Variants in TTC28 observed in about 807,000 individuals in gnomAD.
TTC28 encodes the protein tetratricopeptide repeat domain 28.
A neutral mutation model predicts 198.0 loss-of-function variants in TTC28; 61 were observed. That is an observed-to-expected ratio of 0.31 (90% CI 0.25 to 0.38). The LOEUF (loss-of-function observed/expected upper bound fraction) is 0.38, where lower values mean the gene tolerates loss of function less well. TTC28 is among the 10% of genes least tolerant of loss of function. The pLI, the probability that TTC28 is intolerant of heterozygous loss-of-function variation, is 1.00. For synonymous variants in TTC28, 1,171 were observed against 1,297.8 expected, an observed-to-expected ratio of 0.90 and a Z score of 2.10; for missense variants, 2,678 against 3,164.0, an observed-to-expected ratio of 0.85 and a Z score of 3.69.
intron 6 of TTC28, among the ~76,000 whole-genome samples, chr22:28,160,107 A>T (rs996232220): frequency 6.6e-6 from 1 of 152,220 alleles, no homozygotes; most frequent in Non-Finnish European, 1.5e-5. Flanking sequence ...GCTAATGGGT[A>T]TCAAAAGATA....
chr22:28,378,336 A>G (rs2046443850), intron 2 of TTC28, among the ~76,000 whole-genome samples: 1 of 130,280 alleles, frequency 7.7e-6, no homozygotes, highest in African/African-American at 3.0e-5. Flanking sequence ...ACAGAGTGAG[A>G]CTCTGTCTCA....
chr22:28,048,509 G>A (rs764700515), intron 12 of TTC28, among the ~76,000 whole-genome samples: 9 of 152,078 alleles, frequency 5.9e-5, no homozygotes, highest in South Asian at 2.1e-4. Context: ...TATCTGGGTC[G>A]GGGTGGGGCT....
chr22:28,444,879 A>T (rs979032113), intron 2 of TTC28, among the ~76,000 whole-genome samples: 2 of 152,230 alleles, frequency 1.3e-5, no homozygotes, highest in African/African-American at 4.8e-5. Flanking sequence ...GCTCGAGAAG[A>T]TTACATAACT....
At position 27,983,413 on chromosome 22, in the gene TTC28, GGTT is replaced by G; in HGVS notation, c.6251_6253del (p.Gln2084del). 1 of 1,551,210 alleles carries G rather than the reference GGTT, an allele frequency of 6.4e-7. No individual in the cohort carries two copies. The highest frequency in any genetic ancestry group is 8.7e-7 in the Non-Finnish European group (1 of 1,146,976). On this transcript the variant is annotated inframe_deletion, in exon 23 of 23. Transcript: ENST00000397906. Reference sequence around the variant, plus strand: ...CATGCCTCCGGCTGTCCCAGGTTGGGGTTGTTTGTGGTCTGGTGAGAAGCATGT... The same window carrying G: ...CATGCCTCCGGCTGTCCCAGGTTGGGGTTTGTGGTCTGGTGAGAAGCATGT...
At chr22:28,050,554 C>T (rs923072836) in intron 12 of TTC28, among the ~76,000 whole-genome samples, 1 of 152,152 alleles carries the variant, frequency 6.6e-6, no homozygotes, top group African/African-American at 2.4e-5. Context: ...AGCATTTATA[C>T]ATCAAGGGGT....
At position 28,555,201 on chromosome 22, in the gene TTC28, T is replaced by C. The variant is rs1031146843; in HGVS notation, c.381+74351A>G. Reference sequence around the variant, plus strand: ...GCCATAATGAAAAAATAATAGATGTTGGCATGGATGTAGTGAAAAGGGACC... The same window carrying C: ...GCCATAATGAAAAAATAATAGATGTCGGCATGGATGTAGTGAAAAGGGACC... On this transcript the variant is annotated intron_variant, in intron 2 of 22. Transcript: ENST00000397906. Among the ~76,000 whole-genome samples the C allele has an allele frequency of 1.7e-4, 26 of 152,208 alleles. 1 individual carries two copies. Among genetic ancestry groups the C allele is most frequent in the Admixed American group, 1.6e-3 (24 of 15,272 alleles).
chr22:28,370,874 G>A (rs1368971558), intron 2 of TTC28, among the ~76,000 whole-genome samples: 1 of 152,154 alleles, frequency 6.6e-6, no homozygotes, highest in East Asian at 1.9e-4. Flanking sequence ...GTTAGAAGGC[G>A]GAAACTCAGG....
intron 5 of TTC28, among the ~76,000 whole-genome samples, chr22:28,237,104 CTCT>C (rs1929304573): frequency 6.6e-6 from 1 of 152,110 alleles, no homozygotes; most frequent in African/African-American, 2.4e-5. Flanking sequence ...ATTTTATCTC[CTCT>C]ATTGACTTTG....
At chr22:28,381,676 G>A (rs2046498485) in intron 2 of TTC28, among the ~76,000 whole-genome samples, 1 of 152,066 alleles carries the variant, frequency 6.6e-6, no homozygotes, top group Admixed American at 6.5e-5. Context: ...AAAAACTCAA[G>A]AGAAGTCACT....
At chr22:28,275,849 G>C (rs531633527) in intron 5 of TTC28, among the ~76,000 whole-genome samples, 2 of 152,192 alleles carry the variant, frequency 1.3e-5, no homozygotes, top group East Asian at 3.9e-4. Flanking sequence ...ATGGGCATGT[G>C]GGGTGGGAGC....
At chr22:28,174,493 C>T (rs1922969368) in intron 5 of TTC28, among the ~76,000 whole-genome samples, 2 of 152,150 alleles carry the variant, frequency 1.3e-5, no homozygotes, top group African/African-American at 2.4e-5. Context: ...TCATCAACTT[C>T]GTACACTGAA....
chr22:28,308,481 G>T (rs2045188484), intron 2 of TTC28, among the ~76,000 whole-genome samples: 1 of 152,110 alleles, frequency 6.6e-6, no homozygotes, highest in Non-Finnish European at 1.5e-5. Flanking sequence ...TCTTAACTTA[G>T]TATCAATGAA....
intron 5 of TTC28, among the ~76,000 whole-genome samples, chr22:28,216,420 C>T (rs994505499): frequency 6.6e-6 from 1 of 152,266 alleles, no homozygotes; most frequent in East Asian, 1.9e-4. Context: ...AAGTCTAACT[C>T]TCCTTCAGCC....
intron 6 of TTC28, among the ~76,000 whole-genome samples, chr22:28,123,240 G>T (rs1190150939): frequency 6.8e-6 from 1 of 147,228 alleles, no homozygotes; most frequent in Non-Finnish European, 1.5e-5. Context: ...ACTGTTTCAG[G>T]TTTTTTTTTT....
At position 28,437,881 on chromosome 22, in the gene TTC28, T is replaced by G. The variant is rs372496197; in HGVS notation, c.382-131238A>C. 1.1e-4 allele frequency among the ~76,000 whole-genome samples: 16 copies of G among 152,272 alleles called. No homozygotes were observed. The East Asian group carries it at 2.7e-3, about 26-fold the overall frequency. On this transcript the variant is annotated intron_variant, in intron 2 of 22. Coordinates refer to ENST00000397906, the MANE Select transcript of TTC28 (RefSeq NM_001145418.2). The stretch of plus-strand genomic sequence containing the variant: ...AAGAGGCCAGAAAAAGAAAATTCAT[T>G]AGGATGACATTTGCAATAAATCCAG...
chr22:28,225,702 T>C (rs1928284393), intron 5 of TTC28, among the ~76,000 whole-genome samples: 1 of 152,188 alleles, frequency 6.6e-6, no homozygotes, highest in Non-Finnish European at 1.5e-5. Flanking sequence ...ACTTGTAAAA[T>C]CACCACGGCA....
At chr22:28,384,215 A>G (rs148636049) in intron 2 of TTC28, among the ~76,000 whole-genome samples, 2,097 of 147,738 alleles carry the variant, frequency 0.014, 62 homozygotes, top group African/African-American at 0.05. Flanking sequence ...CCTCTTCATC[A>G]CTCTTTTTTT....
chr22:28,164,733 T>C lies in TTC28; in HGVS notation c.934-1134A>G, dbSNP rs932167282. 3.2e-4 allele frequency among the ~76,000 whole-genome samples: 49 copies of C among 151,930 alleles called. 2 individuals are homozygous for C. Among genetic ancestry groups the C allele is most frequent in the Admixed American group, 6.5e-5 (1 of 15,270 alleles). On this transcript the variant is annotated intron_variant, in intron 5 of 22. Transcript: ENST00000397906. ...AAACCGGAAACTCTAAAAATCAGAG[T>C]GCCTCTTCTCCTCCAAAGGAACACA...
intron 13 of TTC28, among the ~76,000 whole-genome samples, chr22:28,022,158 G>A (rs1041214197): frequency 1.3e-5 from 2 of 152,208 alleles, no homozygotes; most frequent in Non-Finnish European, 2.9e-5. Flanking sequence ...GGAGCCGAAG[G>A]CCTGGTGCTG....
Sources: gnomAD v4.1 joint callset for allele counts (sites outside exome capture counted in the v4.1 genomes callset) on GRCh38, gnomAD v4.1.1 for gene constraint, MANE v1.5 for transcripts, NCBI Gene and HGNC (gene_info 2026-07-23, HGNC 2026-07-21) for gene names.